The following RAB38 variants were observed in gnomAD, a reference collection of about 807,000 sequenced individuals.
The protein encoded by RAB38 is ras-related protein Rab-38.
A neutral mutation model predicts 18.4 loss-of-function variants in RAB38; 15 were observed. That is an observed-to-expected ratio of 0.82 (90% CI 0.55 to 1.26). The LOEUF is 1.26. Ranked by LOEUF, RAB38 falls within the 50% of genes most tolerant of loss-of-function variation. RAB38 has a pLI of 0.00. For missense variants in RAB38, 294 were observed against 267.4 expected, an observed-to-expected ratio of 1.10 and a Z score of -0.69; for synonymous variants, 101 against 104.4, an observed-to-expected ratio of 0.97 and a Z score of 0.20.
At chr11:87,922,961 T>G in the RAB38 span, among the ~76,000 whole-genome samples, 30 of 147,852 alleles carry the variant, frequency 2.0e-4, no homozygotes, top group African/African-American at 5.2e-4. Context: ...AAGGAAAAAG[T>G]AAGGAAGGAA....
chr11:88,156,307 C>T (rs1307100744), intron 1 of RAB38, among the ~76,000 whole-genome samples: 2 of 152,132 alleles, frequency 1.3e-5, no homozygotes, highest in East Asian at 1.9e-4. Context: ...AAAAAGGAAA[C>T]CCCATTTGGC....
the RAB38 span, among the ~76,000 whole-genome samples, chr11:88,032,655 T>C: frequency 6.6e-6 from 1 of 152,048 alleles, no homozygotes; most frequent in South Asian, 2.1e-4. Flanking sequence ...ATCAGAGAAA[T>C]GCAAATCAAA....
chr11:87,806,874 G>C, the RAB38 span, among the ~76,000 whole-genome samples: 1 of 152,140 alleles, frequency 6.6e-6, no homozygotes, highest in Non-Finnish European at 1.5e-5. Context: ...CATTTAGTCA[G>C]GTATTCCATT....
chr11:88,028,996 T>A, the RAB38 span, among the ~76,000 whole-genome samples: 3,202 of 152,100 alleles, frequency 0.021, 97 homozygotes, highest in African/African-American at 0.072. Context: ...CGGGTTACCC[T>A]CAAAGGGAAA....
intron 1 of RAB38, chr11:88,166,620 T>G (rs1199732753): frequency 6.6e-6 from 1 of 152,110 alleles, no homozygotes; most frequent in Non-Finnish European, 1.5e-5. Context: ...AATATACGCT[T>G]AAATTTTAAA....
the RAB38 span, among the ~76,000 whole-genome samples, chr11:87,818,046 G>A: frequency 6.6e-6 from 1 of 152,178 alleles, no homozygotes; most frequent in South Asian, 2.1e-4. Flanking sequence ...AAAATCTTTT[G>A]TCCCATACTA....
chr11:88,045,507 G>A, the RAB38 span, among the ~76,000 whole-genome samples: 1 of 152,212 alleles, frequency 6.6e-6, no homozygotes, highest in Non-Finnish European at 1.5e-5. Flanking sequence ...AATGCCCGCA[G>A]CCCGGGATTC....
At chr11:88,169,147 G>A (rs1943279392) in intron 1 of RAB38, among the ~76,000 whole-genome samples, 1 of 152,176 alleles carries the variant, frequency 6.6e-6, no homozygotes, top group South Asian at 2.1e-4. Flanking sequence ...CTGACTTGGA[G>A]ACTGGTGACA....
the RAB38 span, among the ~76,000 whole-genome samples, chr11:88,054,207 T>C: frequency 6.6e-6 from 1 of 152,188 alleles, no homozygotes; most frequent in Non-Finnish European, 1.5e-5. Flanking sequence ...TTTTCTTGCA[T>C]GTAGAGTAAC....
chr11:88,111,082 G>A (rs1467893472), downstream of RAB38, among the ~76,000 whole-genome samples: 3 of 152,312 alleles, frequency 2.0e-5, no homozygotes, highest in Admixed American at 6.5e-5. Context: ...GACACCATAC[G>A]TGATGCCATA....
the RAB38 span, among the ~76,000 whole-genome samples, chr11:87,895,335 A>G: frequency 6.6e-6 from 1 of 151,800 alleles, no homozygotes; most frequent in East Asian, 2.0e-4. Context: ...TGGAAAAATG[A>G]ACAAGAGTTG....
the RAB38 span, among the ~76,000 whole-genome samples, chr11:87,885,019 GT>G: frequency 6.6e-6 from 1 of 151,898 alleles, no homozygotes; most frequent in Non-Finnish European, 1.5e-5. Flanking sequence ...AGACCCACAG[GT>G]CCCATGTCAG....
chr11:87,836,769 CTT>C, the RAB38 span, among the ~76,000 whole-genome samples: 1 of 152,202 alleles, frequency 6.6e-6, no homozygotes, highest in Non-Finnish European at 1.5e-5. Flanking sequence ...GATCTTACCT[CTT>C]CTCTTTCCCC....
At chr11:87,937,517 T>C in the RAB38 span, among the ~76,000 whole-genome samples, 2 of 151,690 alleles carry the variant, frequency 1.3e-5, no homozygotes, top group African/African-American at 2.4e-5. Flanking sequence ...TTGTGTCAAA[T>C]TGGCTTTAAT....
At chr11:87,957,295 C>T in the RAB38 span, among the ~76,000 whole-genome samples, 1 of 152,166 alleles carries the variant, frequency 6.6e-6, no homozygotes, top group Admixed American at 6.5e-5. Flanking sequence ...CTACTTCCTG[C>T]TTCTCTCCCC....
the RAB38 span, among the ~76,000 whole-genome samples, chr11:87,974,920 G>A: frequency 4.6e-5 from 7 of 152,022 alleles, no homozygotes; most frequent in East Asian, 1.4e-3. Context: ...CAAACTGGGT[G>A]GCTTAACACA....
chr11:88,053,213 TAC>T, the RAB38 span, among the ~76,000 whole-genome samples: 29 of 90,832 alleles, frequency 3.2e-4, no homozygotes, highest in African/African-American at 1.2e-3. Context: ...AATATATATA[TAC>T]ACACATATAT....
the RAB38 span, among the ~76,000 whole-genome samples, chr11:87,813,235 G>C: frequency 3.9e-5 from 6 of 152,164 alleles, no homozygotes; most frequent in Non-Finnish European, 8.8e-5. Context: ...TTCAAGTGAT[G>C]AATTTTGGAA....
chr11:87,963,004 A>G, the RAB38 span, among the ~76,000 whole-genome samples: 1 of 152,188 alleles, frequency 6.6e-6, no homozygotes, highest in Non-Finnish European at 1.5e-5. Context: ...TGAGGACTAA[A>G]GATGAGACTA....
Sources: gnomAD v4.1 joint callset for allele counts (sites outside exome capture counted in the v4.1 genomes callset) on GRCh38, gnomAD v4.1.1 for gene constraint, MANE v1.5 for transcripts, NCBI Gene and HGNC (gene_info 2026-07-23, HGNC 2026-07-21) for gene names.